The following EPHA6 variants were observed in gnomAD, a reference collection of about 807,000 sequenced individuals.
The protein encoded by EPHA6 is ephrin type-A receptor 6.
A neutral mutation model predicts 112.0 loss-of-function variants in EPHA6; 50 were observed. The ratio of observed to expected loss-of-function variants is 0.45; its 90% CI spans 0.36 to 0.56. EPHA6 has a LOEUF of 0.56. Ranked by LOEUF, EPHA6 falls within the 20% of genes least tolerant of loss-of-function variation. EPHA6 has a pLI of 0.00. For synonymous variants in EPHA6, 529 were observed against 490.7 expected, an observed-to-expected ratio of 1.08 and a Z score of -1.03; for missense variants, 1,280 against 1,417.4, an observed-to-expected ratio of 0.90 and a Z score of 1.56.
Position 97,157,108 on chromosome 3 carries a change from C to A in EPHA6, c.1115-69156C>A, listed in dbSNP as rs1469188421. ...AATGCCTCAGTATCTGTGAAGTAAC[C>A]TTTATAGAGAAAGGATTAAGTGTTA... On this transcript the variant is annotated intron_variant, in intron 3 of 17. Coordinates refer to ENST00000389672, the MANE Select transcript of EPHA6 (RefSeq NM_001080448.3). 2.6e-5 allele frequency among the ~76,000 whole-genome samples: 4 copies of A among 152,050 alleles called. No homozygotes were observed. In the East Asian group the frequency reaches 7.7e-4, roughly 29 times the overall value.
At chr3:96,992,153 A>G (rs1157189790) in intron 3 of EPHA6, among the ~76,000 whole-genome samples, 1 of 152,142 alleles carries the variant, frequency 6.6e-6, no homozygotes, top group Non-Finnish European at 1.5e-5. Context: ...CAACAACGTT[A>G]TGAAGTGGTT....
intron 5 of EPHA6, among the ~76,000 whole-genome samples, chr3:97,303,607 T>C (rs1397994467): frequency 6.6e-6 from 1 of 151,796 alleles, no homozygotes; most frequent in East Asian, 1.9e-4. Context: ...CATAGAGAAA[T>C]AGAAAGATTA....
intron 3 of EPHA6, among the ~76,000 whole-genome samples, chr3:97,138,645 C>A (rs2075821493): frequency 6.6e-6 from 1 of 152,280 alleles, no homozygotes; most frequent in African/African-American, 2.4e-5. Context: ...AGTCCAGGGG[C>A]ATGGAGATCA....
At chr3:97,552,257 A>G (rs2093038835) in intron 11 of EPHA6, among the ~76,000 whole-genome samples, 2 of 152,190 alleles carry the variant, frequency 1.3e-5, no homozygotes, top group Admixed American at 6.6e-5. Context: ...AAACAAAATA[A>G]TGCTACTGGT....
chr3:97,448,476 A>G, intron 6 of EPHA6, 92 bp from the exon 7 acceptor site: 1 of 1,339,952 alleles, frequency 7.5e-7, no homozygotes, highest in Admixed American at 1.9e-5. Flanking sequence ...TGGTATTCAG[A>G]GCATAATTTC....
intron 1 of EPHA6, among the ~76,000 whole-genome samples, chr3:96,820,143 A>T (rs543911575): frequency 2.8e-4 from 42 of 152,100 alleles, no homozygotes; most frequent in Admixed American, 1.7e-3. Flanking sequence ...TCCAGGGTGG[A>T]CTGGAACTTA....
intron 11 of EPHA6, among the ~76,000 whole-genome samples, chr3:97,576,411 A>G (rs1389752485): frequency 2.0e-5 from 3 of 152,152 alleles, no homozygotes; most frequent in African/African-American, 7.2e-5. Flanking sequence ...CCTCCCTTAC[A>G]TCCCACTCAT....
At chr3:97,501,637 A>G (rs1461135822) in intron 10 of EPHA6, among the ~76,000 whole-genome samples, 1 of 152,050 alleles carries the variant, frequency 6.6e-6, no homozygotes, top group Non-Finnish European at 1.5e-5. Context: ...GACCTAAATA[A>G]TAGTGAAAAA....
intron 11 of EPHA6, among the ~76,000 whole-genome samples, chr3:97,546,843 C>T (rs2092957210): frequency 6.6e-6 from 1 of 152,196 alleles, no homozygotes; most frequent in Non-Finnish European, 1.5e-5. Context: ...ACCCTTTCTT[C>T]CAGTTGATCA....
intron 14 of EPHA6, among the ~76,000 whole-genome samples, chr3:97,698,819 G>T (rs977968411): frequency 6.6e-6 from 1 of 152,124 alleles, no homozygotes; most frequent in Admixed American, 6.6e-5. Flanking sequence ...ACTGAGTATA[G>T]GATCTCTGCC....
intron 3 of EPHA6, among the ~76,000 whole-genome samples, chr3:97,044,803 C>T (rs2045446048): frequency 6.6e-6 from 1 of 151,788 alleles, no homozygotes; most frequent in South Asian, 2.1e-4. Flanking sequence ...CATTAGAATA[C>T]AGAGATATAG....
chr3:97,369,305 G>T (rs886590178), intron 5 of EPHA6, among the ~76,000 whole-genome samples: 3 of 152,168 alleles, frequency 2.0e-5, no homozygotes, highest in South Asian at 2.1e-4. Context: ...ATATTAAGGG[G>T]TCAAGTGTGA....
intron 11 of EPHA6, among the ~76,000 whole-genome samples, chr3:97,584,599 A>G (rs1346476865): frequency 1.3e-5 from 2 of 152,172 alleles, no homozygotes; most frequent in African/African-American, 4.8e-5. Context: ...TGCCTGTATT[A>G]TAATACCTAA....
At chr3:97,077,395 T>TAC (rs1292024342) in intron 3 of EPHA6, among the ~76,000 whole-genome samples, 1 of 150,702 alleles carries the variant, frequency 6.6e-6, no homozygotes, top group African/African-American at 2.4e-5. Flanking sequence ...ATGCAATCTA[T>TAC]ATATATATAT....
chr3:97,586,727 TAGACAGAC>T (rs138628909), intron 11 of EPHA6, among the ~76,000 whole-genome samples: 8 of 151,348 alleles, frequency 5.3e-5, no homozygotes, highest in Admixed American at 2.6e-4. Context: ...GATGGATGGA[TAGACAGAC>T]AGACAGACAG....
intron 6 of EPHA6, among the ~76,000 whole-genome samples, chr3:97,426,205 C>A (rs1468572316): frequency 6.6e-6 from 1 of 152,170 alleles, no homozygotes; most frequent in African/African-American, 2.4e-5. Context: ...AAACACATAG[C>A]CAAGACTGGG....
intron 7 of EPHA6, among the ~76,000 whole-genome samples, chr3:97,462,920 G>T (rs149295154): frequency 6.6e-6 from 1 of 151,968 alleles, no homozygotes; most frequent in African/African-American, 2.4e-5. Flanking sequence ...TTTCTGTCAC[G>T]TTCTGTGCTG....
intron 5 of EPHA6, among the ~76,000 whole-genome samples, chr3:97,361,335 T>C (rs1293638413): frequency 6.6e-6 from 1 of 152,226 alleles, no homozygotes; most frequent in African/African-American, 2.4e-5. Context: ...GATCAAGTGA[T>C]CAAGTCTTTT....
At chr3:97,044,388 C>G (rs938657626) in intron 3 of EPHA6, among the ~76,000 whole-genome samples, 1 of 152,090 alleles carries the variant, frequency 6.6e-6, no homozygotes, top group Non-Finnish European at 1.5e-5. Flanking sequence ...GACATGATTG[C>G]CTTTAACCCT....
Sources: allele counts gnomAD v4.1 joint callset (sites outside exome capture counted in the v4.1 genomes callset), GRCh38; gene constraint gnomAD v4.1.1; transcripts MANE v1.5; gene names NCBI Gene and HGNC (gene_info 2026-07-23, HGNC 2026-07-21).